EXT2: variants seen among roughly 807,000 people sequenced by gnomAD.
EXT2 encodes the protein exostosin glycosyltransferase 2.
In EXT2, 53 loss-of-function variants were observed where a neutral mutation model predicts 81.6. That is an observed-to-expected ratio of 0.65 (90% confidence interval 0.52 to 0.82). The LOEUF is 0.82. EXT2 is among the 40% of genes least tolerant of loss of function. The pLI is 0.00. For synonymous variants in EXT2, 320 were observed against 340.0 expected, an observed-to-expected ratio of 0.94 and a Z score of 0.65; for missense variants, 774 against 910.2, an observed-to-expected ratio of 0.85 and a Z score of 1.93.
chr11:44,181,978 T>C (rs1018036930), intron 8 of EXT2, among the ~76,000 whole-genome samples: 1 of 152,164 alleles, frequency 6.6e-6, no homozygotes, highest in Non-Finnish European at 1.5e-5. Context: ...AGTATTGGCA[T>C]CCATGGGTTA....
chr11:44,217,818 A>G (rs924111242), intron 10 of EXT2, among the ~76,000 whole-genome samples: 1 of 152,156 alleles, frequency 6.6e-6, no homozygotes, highest in Non-Finnish European at 1.5e-5. Flanking sequence ...AGCCATGGAG[A>G]CTTGGCTGAA....
chr11:44,241,493 T>C (rs927767170), intron 13 of EXT2, among the ~76,000 whole-genome samples: 1 of 152,172 alleles, frequency 6.6e-6, no homozygotes, highest in Non-Finnish European at 1.5e-5. Flanking sequence ...CCCAAGCTGT[T>C]ATGTGTAGTG....
chr11:44,204,226 C>A (rs530290324), intron 9 of EXT2, among the ~76,000 whole-genome samples: 3 of 152,158 alleles, frequency 2.0e-5, no homozygotes, highest in Admixed American at 1.3e-4. Context: ...TTTCCCACTT[C>A]TTTTATTCTC....
chr11:44,177,575 G>C (rs973663692), intron 8 of EXT2, among the ~76,000 whole-genome samples: 3 of 152,236 alleles, frequency 2.0e-5, no homozygotes, highest in African/African-American at 7.2e-5. Context: ...TGTCCTCTCA[G>C]TGACAGCTTT....
chr11:44,181,006 T>C (rs1283372413), intron 8 of EXT2, among the ~76,000 whole-genome samples: 1 of 151,542 alleles, frequency 6.6e-6, no homozygotes. Flanking sequence ...GAGGCTGAGG[T>C]GGGAGAATCA....
Position 44,114,574 on chromosome 11 carries a change from A to G in EXT2, c.743+273A>G, listed in dbSNP as rs377017744. ...CGTTCTCTCCTTTGTTTCCTATATCAAAGTAGGAAGTCGTATTGATTCTGC... is the reference window on the plus strand; with the variant it reads ...CGTTCTCTCCTTTGTTTCCTATATCGAAGTAGGAAGTCGTATTGATTCTGC... On this transcript the variant is annotated intron_variant, in intron 4 of 13. Transcript: ENST00000533608. Among the ~76,000 whole-genome samples, 24 of 152,250 alleles carry G rather than the reference A, an allele frequency of 1.6e-4. No individual in the cohort carries two copies. The South Asian group carries it at 5.0e-3, about 32-fold the overall frequency.
intron 6 of EXT2, 112 bp downstream of exon 6, chr11:44,127,067 T>G: frequency 7.3e-7 from 1 of 1,376,952 alleles, no homozygotes; most frequent in South Asian, 1.2e-5. Context: ...CTACAGATAG[T>G]TTTTCTCTAT....
intron 6 of EXT2, among the ~76,000 whole-genome samples, chr11:44,127,598 T>C (rs1352790140): frequency 6.6e-6 from 1 of 152,192 alleles, no homozygotes; most frequent in Non-Finnish European, 1.5e-5. Context: ...AAACCAGTCC[T>C]TGGTGCTGAA....
intron 9 of EXT2, among the ~76,000 whole-genome samples, chr11:44,201,384 T>G (rs977200755): frequency 2.6e-5 from 4 of 152,224 alleles, no homozygotes; most frequent in African/African-American, 2.4e-5. Context: ...ATTGTATACT[T>G]TTTTAATCCT....
At position 44,206,916 on chromosome 11, in the gene EXT2, A is replaced by T. The variant is rs557283567; in HGVS notation, c.1619A>T (p.Asp540Val). Residue 540 changes from aspartate (D) to valine (V), a missense_variant, in exon 10 of 14, where the codon GAT becomes GTT. Physicochemically the swap from Asp to Val is radical, Grantham distance 152 (BLOSUM62 -3). Transcript: ENST00000533608. The part of the protein sequence containing the change: ...ETEAVLAIDD[D>V]IIMLTSDELQ... Reference sequence around the variant, plus strand: ...GAAGCTGTTCTGGCCATTGATGATGATATCATTATGCTGACCTCTGACGAG... The same window carrying T: ...GAAGCTGTTCTGGCCATTGATGATGTTATCATTATGCTGACCTCTGACGAG... The T allele has an allele frequency of 1.2e-6, 2 of 1,614,134 alleles. No homozygotes were observed. The highest frequency in any genetic ancestry group is 1.3e-5 in the African/African-American group (1 of 75,044).
chr11:44,151,754 A>T (rs755881137), intron 7 of EXT2, among the ~76,000 whole-genome samples: 1 of 152,200 alleles, frequency 6.6e-6, no homozygotes, highest in Non-Finnish European at 1.5e-5. Flanking sequence ...GCTGGCTTGC[A>T]TGGCAAGAAT....
At chr11:44,141,904 C>T (rs1447907158) in intron 7 of EXT2, among the ~76,000 whole-genome samples, 3 of 152,082 alleles carry the variant, frequency 2.0e-5, no homozygotes, top group Non-Finnish European at 4.4e-5. Context: ...TTACAGGAAG[C>T]GAAGTGCAGG....
chr11:44,183,830 A>G (rs1202261862), intron 8 of EXT2, among the ~76,000 whole-genome samples: 2 of 151,994 alleles, frequency 1.3e-5, no homozygotes, highest in Non-Finnish European at 2.9e-5. Context: ...TTTTTTTCTC[A>G]CATTTTTAAT....
intron 7 of EXT2, among the ~76,000 whole-genome samples, chr11:44,153,009 TA>T (rs1954813008): frequency 6.6e-6 from 1 of 152,210 alleles, no homozygotes; most frequent in Non-Finnish European, 1.5e-5. Context: ...TCTGGATCTT[TA>T]CCTCTCTATA....
intron 10 of EXT2, among the ~76,000 whole-genome samples, chr11:44,227,724 G>A (rs1426776824): frequency 6.6e-6 from 1 of 152,236 alleles, no homozygotes; most frequent in Non-Finnish European, 1.5e-5. Context: ...AGTAAGCATA[G>A]CTGAGAATCT....
Position 44,124,620 on chromosome 11 carries a change from TATA to T in EXT2, c.744-165_744-163del, listed in dbSNP as rs143431268. On this transcript the variant is annotated intron_variant, in intron 4 of 13. Coordinates refer to ENST00000533608, the MANE Select transcript of EXT2 (RefSeq NM_207122.2). ...AATCATATCTTACTTTCTCACAATA[TATA>T]ATATTTTAAATATTTACTAATACTA... Among the ~76,000 whole-genome samples, 725 of 152,306 alleles carry T rather than the reference TATA, an allele frequency of 4.8e-3. 5 individuals carry two copies. Among genetic ancestry groups the T allele is most frequent in the East Asian group, 0.03 (156 of 5,184 alleles).
intron 2 of EXT2, among the ~76,000 whole-genome samples, 181 bp downstream of exon 2, chr11:44,108,429 G>A (rs553825000): frequency 2.0e-5 from 3 of 152,348 alleles, no homozygotes; most frequent in East Asian, 3.9e-4. Flanking sequence ...GGCAGCATCT[G>A]CCTGTGTGCC....
chr11:44,172,645 G>A (rs1477148066), intron 8 of EXT2, among the ~76,000 whole-genome samples: 2 of 148,158 alleles, frequency 1.3e-5, no homozygotes, highest in African/African-American at 5.0e-5. Flanking sequence ...GTGCAGTGGC[G>A]CAATCTTGGC....
At chr11:44,096,438 G>A in intron 1 of EXT2, 1 of 1,078,886 alleles carries the variant, frequency 9.3e-7, no homozygotes, top group Non-Finnish European at 1.3e-6. Flanking sequence ...CGGGGACTGG[G>A]TGGCCGGGGT....
Sources: gnomAD v4.1 joint callset for allele counts (sites outside exome capture counted in the v4.1 genomes callset) on GRCh38, gnomAD v4.1.1 for gene constraint, MANE v1.5 for transcripts, NCBI Gene and HGNC (gene_info 2026-07-23, HGNC 2026-07-21) for gene names.